DENND1A: variants seen among roughly 807,000 people sequenced by gnomAD.
DENND1A encodes DENN domain containing 1A, also known as DENN domain-containing protein 1A.
A neutral mutation model predicts 113.7 loss-of-function variants in DENND1A; 51 were observed. The observed-to-expected ratio is 0.45, with a 90% confidence interval of 0.36 to 0.57. The LOEUF (loss-of-function observed/expected upper bound fraction) is 0.57. Ranked by LOEUF, DENND1A falls within the 20% of genes least tolerant of loss-of-function variation. The pLI, the probability that DENND1A is intolerant of heterozygous loss-of-function variation, is 0.00. For missense variants in DENND1A, 1,258 were observed against 1,395.9 expected (o/e 0.90, Z 1.57); for synonymous variants, 565 against 570.8 (o/e 0.99, Z 0.14).
At chr9:123,561,026 T>TGCCCCC in intron 12 of DENND1A, among the ~76,000 whole-genome samples, 1 of 152,182 alleles carries the variant, frequency 6.6e-6, no homozygotes, top group African/African-American at 2.4e-5. Flanking sequence ...TCCCTGCCCC[T>TGCCCCC]GCCCCCAAAA....
At chr9:123,621,370 A>G (rs2060955109) in intron 10 of DENND1A, among the ~76,000 whole-genome samples, 1 of 151,984 alleles carries the variant, frequency 6.6e-6, no homozygotes, top group Non-Finnish European at 1.5e-5. Flanking sequence ...TATTTTTAGT[A>G]GAGATGGGGT....
intron 11 of DENND1A, among the ~76,000 whole-genome samples, chr9:123,587,460 G>C (rs1167469868): frequency 6.6e-6 from 1 of 152,216 alleles, no homozygotes; most frequent in Non-Finnish European, 1.5e-5. Flanking sequence ...CAACCAGTTA[G>C]ACCAGAAATT....
chr9:123,722,515 G>A (rs189924689), intron 5 of DENND1A, among the ~76,000 whole-genome samples: 14 of 152,266 alleles, frequency 9.2e-5, no homozygotes, highest in Admixed American at 3.9e-4. Flanking sequence ...TCACAGGCCC[G>A]GAGGTTTAGG....
intron 13 of DENND1A, among the ~76,000 whole-genome samples, chr9:123,514,866 A>G (rs2053768532): frequency 6.6e-6 from 1 of 152,174 alleles, no homozygotes; most frequent in African/African-American, 2.4e-5. Context: ...CTTGGTTTCT[A>G]AGTATCACTC....
intron 2 of DENND1A, among the ~76,000 whole-genome samples, chr9:123,830,639 C>T (rs753210813): frequency 1.1e-4 from 17 of 151,744 alleles, no homozygotes; most frequent in East Asian, 5.8e-4. Flanking sequence ...CCGAGGGGGG[C>T]GGACCACCTG....
chr9:123,534,209 C>T (rs920713305), intron 13 of DENND1A, among the ~76,000 whole-genome samples: 1 of 152,188 alleles, frequency 6.6e-6, no homozygotes, highest in Admixed American at 6.5e-5. Flanking sequence ...CCTCCTCTTG[C>T]CTCTTCCTGC....
intron 13 of DENND1A, among the ~76,000 whole-genome samples, chr9:123,529,708 G>C (rs555662612): frequency 6.6e-6 from 1 of 152,342 alleles, no homozygotes; most frequent in Admixed American, 6.5e-5. Context: ...TCTGGCACAT[G>C]ACATCCCACA....
At chr9:123,442,232 G>A (rs1273207099) in intron 18 of DENND1A, among the ~76,000 whole-genome samples, 1 of 152,172 alleles carries the variant, frequency 6.6e-6, no homozygotes. Context: ...AGTCTGTACT[G>A]CTTGGTAAAC....
Position 123,382,516 on chromosome 9 carries a change from G to C in DENND1A, c.2129C>G (p.Pro710Arg). 1 of 1,614,116 alleles carries C rather than the reference G, an allele frequency of 6.2e-7. No individual in the cohort carries two copies. Among genetic ancestry groups the C allele is most frequent in the Admixed American group, 1.7e-5 (1 of 60,026 alleles). Reference sequence around the variant, plus strand: ...AGGGGAGGCAGCTGGGGGCTTGCTGGGGATGGCCATGTCGTCCTGGCCCAG... The same window carrying C: ...AGGGGAGGCAGCTGGGGGCTTGCTGCGGATGGCCATGTCGTCCTGGCCCAG... ...WSLGQDDMAI[P>R]SKPPAASPEK... is the part of the protein sequence containing the mutation. The change falls in exon 24 of 24, where the codon CCC becomes CGC. Residue 710 changes from proline (P) to arginine (R), a missense_variant. Around this residue, in one of 2 missense-constraint regions of DENND1A, gnomAD observed 1,159 missense variants for 1,231.7 expected, o/e 0.94. Transcript: ENST00000394215.
chr9:123,494,418 T>C (rs961536033), intron 13 of DENND1A, among the ~76,000 whole-genome samples: 3 of 152,136 alleles, frequency 2.0e-5, no homozygotes, highest in Non-Finnish European at 2.9e-5. Context: ...GTCAGTTTCA[T>C]AGATGAGACA....
intron 1 of DENND1A, among the ~76,000 whole-genome samples, chr9:123,910,233 TTAAA>T (rs1317951429): frequency 6.6e-6 from 1 of 152,180 alleles, no homozygotes; most frequent in Non-Finnish European, 1.5e-5. Context: ...AATTCCACTA[TTAAA>T]TAACGAGACT....
At chr9:123,414,237 G>T in intron 19 of DENND1A, 2 of 1,230,474 alleles carry the variant, frequency 1.6e-6, no homozygotes, top group Non-Finnish European at 2.0e-6. Context: ...CTGCCTACCC[G>T]AGTGTCCTGT....
intron 2 of DENND1A, among the ~76,000 whole-genome samples, chr9:123,850,631 C>T (rs920912596): frequency 6.6e-6 from 1 of 152,214 alleles, no homozygotes; most frequent in African/African-American, 2.4e-5. Context: ...CCCAGCCCTA[C>T]TACTTGATAG....
At chr9:123,574,047 T>C (rs980902066) in intron 12 of DENND1A, among the ~76,000 whole-genome samples, 1 of 152,044 alleles carries the variant, frequency 6.6e-6, no homozygotes, top group Non-Finnish European at 1.5e-5. Flanking sequence ...ACATGGTTTT[T>C]CAAATATTTA....
chr9:123,756,004 G>A (rs865876886), intron 5 of DENND1A, among the ~76,000 whole-genome samples: 2 of 152,020 alleles, frequency 1.3e-5, no homozygotes, highest in Non-Finnish European at 2.9e-5. Flanking sequence ...TCCATGTCTC[G>A]GATTCAAGCA....
chr9:123,554,172 C>A (rs2057291993), intron 13 of DENND1A, among the ~76,000 whole-genome samples: 1 of 152,226 alleles, frequency 6.6e-6, no homozygotes, highest in Non-Finnish European at 1.5e-5. Context: ...CCAACGCCTC[C>A]TCCCTATTTC....
chr9:123,909,092 G>C (rs907558085), intron 1 of DENND1A, among the ~76,000 whole-genome samples: 1 of 151,806 alleles, frequency 6.6e-6, no homozygotes, highest in Non-Finnish European at 1.5e-5. Context: ...GTAAACTATC[G>C]CAAGAACAAA....
At chr9:123,482,007 T>C (rs544427663) in intron 13 of DENND1A, among the ~76,000 whole-genome samples, 1 of 152,202 alleles carries the variant, frequency 6.6e-6, no homozygotes, top group Non-Finnish European at 1.5e-5. Context: ...TTTGGCCATG[T>C]TGGTCAGGCT....
At chr9:123,621,945 T>C (rs1290966456) in intron 10 of DENND1A, among the ~76,000 whole-genome samples, 1 of 152,220 alleles carries the variant, frequency 6.6e-6, no homozygotes, top group Non-Finnish European at 1.5e-5. Context: ...TGATGCACCA[T>C]GTGGGGGCTG....
Sources: allele counts gnomAD v4.1 joint callset (sites outside exome capture counted in the v4.1 genomes callset), GRCh38; gene constraint gnomAD v4.1.1; regional missense constraint gnomAD v4.1.1; transcripts MANE v1.5; gene names NCBI Gene and HGNC (gene_info 2026-07-23, HGNC 2026-07-21).